The following SVEP1 variants were observed in gnomAD, a reference collection of about 807,000 sequenced individuals.
The protein encoded by SVEP1 is sushi, von Willebrand factor type A, EGF and pentraxin domain-containing protein 1.
In SVEP1, 164 loss-of-function variants were observed where a neutral mutation model predicts 367.3. The ratio of observed to expected loss-of-function variants is 0.45; its 90% confidence interval spans 0.39 to 0.51. SVEP1 has a LOEUF of 0.51. Among genes scored for constraint, SVEP1 ranks in the 20% least tolerant of loss-of-function variants. SVEP1 has a pLI of 0.00. For synonymous variants in SVEP1, 1,666 were observed against 1,611.6 expected (o/e 1.03, Z -0.81); for missense variants, 4,117 against 4,425.3 (o/e 0.93, Z 1.98).
chr9:110,489,449 G>C (rs1404073762), intron 9 of SVEP1, among the ~76,000 whole-genome samples: 1 of 152,162 alleles, frequency 6.6e-6, no homozygotes, highest in Non-Finnish European at 1.5e-5. Context: ...GCAGGCAAGA[G>C]AGCACGTGCA....
intron 43 of SVEP1, among the ~76,000 whole-genome samples, chr9:110,380,173 T>A (rs529606979): frequency 3.8e-4 from 58 of 152,284 alleles, no homozygotes; most frequent in African/African-American, 1.4e-3. Context: ...AAGGGACATA[T>A]GCGTATATTT....
In SVEP1 at chr9:110,411,476, T is replaced by C. The variant is rs1277109536; in HGVS notation, c.6235A>G (p.Ile2079Val). 36 of 1,614,054 alleles carry C rather than the reference T, an allele frequency of 2.2e-5. No individual in the cohort carries two copies. Among genetic ancestry groups the C allele is most frequent in the Non-Finnish European group, 3.1e-5 (36 of 1,179,898 alleles). Reference protein sequence around the residue: ...PPEGQDMPRCIAHFCEKPPSV... With the variant: ...PPEGQDMPRCVAHFCEKPPSV... The stretch of plus-strand genomic sequence containing the variant: ...GGAGGTTTTTCACAGAAATGAGCTA[T>C]ACAACGGGGCATGTCTTGACCTTCT... Residue 2079 changes from isoleucine (I) to valine (V), a missense_variant, in exon 37 of 48, where the codon ATA (isoleucine) becomes GTA (valine). Around this residue, in one of 4 missense-constraint regions of SVEP1, gnomAD observed 2,174 missense variants for 2,494.3 expected, o/e 0.87. Coordinates refer to ENST00000374469, the MANE Select transcript of SVEP1 (RefSeq NM_153366.4).
chr9:110,569,537 A>C (rs1456670453), intron 1 of SVEP1, among the ~76,000 whole-genome samples: 1 of 152,138 alleles, frequency 6.6e-6, no homozygotes, highest in East Asian at 1.9e-4. Flanking sequence ...TCATGTCCTC[A>C]AAATATAGTT....
At chr9:110,386,645 G>A (rs917863094) in intron 42 of SVEP1, among the ~76,000 whole-genome samples, 5 of 152,214 alleles carry the variant, frequency 3.3e-5, no homozygotes, top group African/African-American at 1.2e-4. Flanking sequence ...TTATAGGCCC[G>A]AGGGAAACAC....
At chr9:110,499,292 C>T (rs1013682340) in intron 6 of SVEP1, 54 bp from the exon 7 acceptor site, 8 of 1,515,890 alleles carry the variant, frequency 5.3e-6, no homozygotes, top group Non-Finnish European at 7.2e-6. Flanking sequence ...ATTGGAAATG[C>T]CATGGATTCT....
At chr9:110,450,032 T>G (rs1264231582) in intron 24 of SVEP1, 27 bp downstream of exon 24, 6 of 1,610,704 alleles carry the variant, frequency 3.7e-6, no homozygotes, top group Non-Finnish European at 5.1e-6. Flanking sequence ...ATAAAAACAG[T>G]GAAAAGAATC....
At chr9:110,468,883 C>T in intron 17 of SVEP1, 57 bp downstream of exon 17, 1 of 1,480,138 alleles carries the variant, frequency 6.8e-7, no homozygotes, top group Non-Finnish European at 9.1e-7. Context: ...TTTCTTTCCC[C>T]CAAAAGGGAA....
chr9:110,425,686 T>C (rs914732627), intron 36 of SVEP1, among the ~76,000 whole-genome samples: 2 of 152,250 alleles, frequency 1.3e-5, no homozygotes, highest in African/African-American at 4.8e-5. Context: ...CACTTTTAGA[T>C]AAACGTTAGG....
Position 110,429,144 on chromosome 9 carries a change from T to C in SVEP1, c.5806A>G (p.Ser1936Gly). The change falls in exon 35 of 48, where the codon AGC becomes GGC. Residue 1936 changes from serine to glycine, a missense_variant and splice_region_variant. This residue lies in a region of SVEP1 where 2,174 missense variants were observed against 2,494.3 expected (regional missense o/e 0.87). Coordinates refer to ENST00000374469, the MANE Select transcript of SVEP1 (RefSeq NM_153366.4). ...TTGGTTGGTGTCTACAAATGTTACCTGTATCCTGTATCGCATGAATATGAT... is the reference window on the plus strand; with the variant it reads ...TTGGTTGGTGTCTACAAATGTTACCCGTATCCTGTATCGCATGAATATGAT... ...TASYSCDTGYSLQGPSIIECT... is the reference protein window; with the variant it reads ...TASYSCDTGYGLQGPSIIECT... 1 of 1,579,514 alleles carries C rather than the reference T, an allele frequency of 6.3e-7. No homozygotes were observed. Among genetic ancestry groups the C allele is most frequent in the Non-Finnish European group, 8.6e-7 (1 of 1,163,376 alleles).
intron 32 of SVEP1, among the ~76,000 whole-genome samples, chr9:110,431,365 T>A (rs1828346587): frequency 6.6e-6 from 1 of 152,224 alleles, no homozygotes; most frequent in South Asian, 2.1e-4. Flanking sequence ...GGTGTGTTCA[T>A]ATAGACATCT....
intron 26 of SVEP1, among the ~76,000 whole-genome samples, chr9:110,444,842 T>C (rs193063288): frequency 1.3e-3 from 192 of 152,322 alleles, no homozygotes; most frequent in South Asian, 2.9e-3. Context: ...ATTCTCTCTT[T>C]ATATATATTT....
intron 5 of SVEP1, 97 bp from the exon 6 acceptor site, chr9:110,503,314 ATTTTC>A: frequency 7.9e-7 from 1 of 1,271,820 alleles, no homozygotes. Context: ...AAGCAAGACA[ATTTTC>A]TTTTCTTAAA....
chr9:110,487,135 T>C (rs1191361994), intron 9 of SVEP1, among the ~76,000 whole-genome samples: 2 of 152,184 alleles, frequency 1.3e-5, no homozygotes, highest in Non-Finnish European at 2.9e-5. Context: ...TTTGTATTTT[T>C]AGTAGAGATG....
At chr9:110,380,756 G>A (rs1212018459) in intron 43 of SVEP1, among the ~76,000 whole-genome samples, 1 of 152,196 alleles carries the variant, frequency 6.6e-6, no homozygotes, top group Non-Finnish European at 1.5e-5. Context: ...AATAGTTTCT[G>A]AAGGAATGGT....
chr9:110,466,103 T>G, intron 17 of SVEP1, 77 bp from the exon 18 acceptor site: 1 of 1,428,496 alleles, frequency 7.0e-7, no homozygotes, highest in Non-Finnish European at 9.3e-7. Context: ...GGATAGGGTT[T>G]TCTGCATTTT....
intron 40 of SVEP1, among the ~76,000 whole-genome samples, chr9:110,393,829 G>A (rs10817009): frequency 0.31 from 46,516 of 152,072 alleles, 7,217 homozygotes; most frequent in Middle Eastern, 0.33. Context: ...CACCATTGCC[G>A]AGACTTGATT....
chr9:110,553,467 A>G (rs1830317120), intron 1 of SVEP1, among the ~76,000 whole-genome samples: 1 of 152,214 alleles, frequency 6.6e-6, no homozygotes, highest in African/African-American at 2.4e-5. Context: ...CTTCCTGATG[A>G]AACCCTGTGA....
intron 36 of SVEP1, among the ~76,000 whole-genome samples, chr9:110,426,182 T>A (rs540952317): frequency 9.7e-4 from 147 of 152,322 alleles, no homozygotes; most frequent in African/African-American, 3.4e-3. Flanking sequence ...AAGAAGATGT[T>A]AAGATTTGGG....
intron 24 of SVEP1, among the ~76,000 whole-genome samples, chr9:110,448,916 G>T (rs1022820682): frequency 1.3e-5 from 2 of 152,230 alleles, no homozygotes; most frequent in African/African-American, 4.8e-5. Flanking sequence ...TTGGCTGTTT[G>T]TGGGAGGATG....
Sources: gnomAD v4.1 joint callset for allele counts (sites outside exome capture counted in the v4.1 genomes callset) on GRCh38, gnomAD v4.1.1 for gene constraint, gnomAD v4.1.1 regional missense constraint, MANE v1.5 for transcripts, NCBI Gene and HGNC (gene_info 2026-07-23, HGNC 2026-07-21) for gene names.